The following TPM3 variants were observed in gnomAD, a reference collection of about 807,000 sequenced individuals.
The protein encoded by TPM3 is tropomyosin 3.
TPM3 carries 16 observed loss-of-function variants against 43.1 expected under a neutral mutation model. That is an observed-to-expected ratio of 0.37 (90% CI 0.25 to 0.56). TPM3 has a LOEUF of 0.56. TPM3 is among the 20% of genes least tolerant of loss of function. The probability of loss-of-function intolerance (pLI) is 0.77; values close to 1 mark genes in which losing one functional copy is unlikely to be tolerated. For synonymous variants in TPM3, 101 were observed against 116.9 expected (o/e 0.86, Z 0.88); for missense variants, 176 against 337.2 (o/e 0.52, Z 3.74).
chr1:154,156,250 G>T (rs1659799838), downstream of TPM3: 1 of 179,018 alleles, frequency 5.6e-6, no homozygotes, highest in South Asian at 2.0e-4. Context: ...TAATAATAAA[G>T]AATAAATCCT....
In TPM3 at chr1:154,172,509, T is replaced by C. The variant is rs1243639954; in HGVS notation, c.566+399A>G. 6.0e-6 allele frequency: 3 copies of C among 497,770 alleles called. No individual in the cohort carries two copies. The Admixed American group carries it at 7.1e-5, about 12-fold the overall frequency. The allele number at this position is 497,770 out of a possible 1,614,324, so 30.8% of individuals were successfully genotyped here. On this transcript the variant is annotated intron_variant, in intron 5 of 9. Coordinates refer to ENST00000651641, the MANE Select transcript of TPM3 (RefSeq NM_152263.4). ...CTGGGTTCAAGCAACCTTCCTGCCT[T>C]GGCATACTAAGTAGCTGGGACTACA...
chr1:154,191,401 T>A, intron 1 of TPM3, 90 bp from the exon 2 acceptor site: 1 of 1,593,280 alleles, frequency 6.3e-7, no homozygotes, highest in East Asian at 2.2e-5. Flanking sequence ...GAGTGTAACC[T>A]CCATGTTACC....
chr1:154,157,899 G>T (rs1056792387), downstream of TPM3, among the ~76,000 whole-genome samples: 1 of 152,158 alleles, frequency 6.6e-6, no homozygotes, highest in East Asian at 1.9e-4. Flanking sequence ...CTTGCCTACT[G>T]AAGTTGTAGG....
At chr1:154,182,560 C>A (rs1234631217) in intron 2 of TPM3, among the ~76,000 whole-genome samples, 1 of 152,166 alleles carries the variant, frequency 6.6e-6, no homozygotes, top group Admixed American at 6.5e-5. Flanking sequence ...CAGTACTGCC[C>A]CTCCCCGAAC....
chr1:154,191,222 C>T lies in TPM3; in HGVS notation c.207G>A (p.Gln69=), dbSNP rs889719298. 3 of 1,614,196 alleles carry T rather than the reference C, an allele frequency of 1.9e-6. No homozygotes were observed. The highest frequency in any genetic ancestry group is 2.5e-6 in the Non-Finnish European group (3 of 1,180,032). ...TCTTCTCTGCCAGTTCCAGCTTCTCCTGGGCATCCTTCAAAGCTTCAGAAT... is the reference window on the plus strand; with the variant it reads ...TCTTCTCTGCCAGTTCCAGCTTCTCTTGGGCATCCTTCAAAGCTTCAGAAT... ...DKYSEALKDA[Q]EKLELAEKKA... The change falls in exon 2 of 10, where the codon CAG becomes CAA. Residue 69 remains glutamine, a synonymous_variant. Coordinates refer to ENST00000651641, the MANE Select transcript of TPM3 (RefSeq NM_152263.4).
chr1:154,188,968 T>C (rs1388051088), intron 2 of TPM3, among the ~76,000 whole-genome samples: 2 of 150,214 alleles, frequency 1.3e-5, no homozygotes, highest in Non-Finnish European at 3.0e-5. Context: ...CTGTCTCTAC[T>C]AAAAATATAA....
In TPM3 at chr1:154,167,784, GGAA is replaced by G; in HGVS notation, c.*150_*152del. 1.3e-6 allele frequency: 2 copies of G among 1,556,952 alleles called. No homozygotes were observed. The highest frequency in any genetic ancestry group is 1.7e-6 in the Non-Finnish European group (2 of 1,149,830). ...TAACATTTTAATTTGGGGTGGGGGT[GGAA>G]GAAAATACATAAGTTGCTTTTTGCT... On this transcript the variant is annotated 3_prime_UTR_variant, in exon 10 of 10. Transcript: ENST00000651641.
intron 2 of TPM3, chr1:154,183,479 C>G (rs1663212967): frequency 2.2e-6 from 1 of 464,902 alleles, no homozygotes; most frequent in Non-Finnish European, 3.9e-6. Flanking sequence ...ATGGTTGGCC[C>G]CTTTGCAGGT....
At chr1:154,159,956 C>G (rs899471853), downstream of TPM3, among the ~76,000 whole-genome samples, 1 of 151,146 alleles carries the variant, frequency 6.6e-6, no homozygotes, top group African/African-American at 2.4e-5. Context: ...AAAAACAAAT[C>G]CCATATTTAT....
rs1174917161 is a variant in TPM3 at position 154,164,282 on chromosome 1, C to G, written c.*3655G>C. Among the ~76,000 whole-genome samples, 1 of 152,030 alleles carries G rather than the reference C, an allele frequency of 6.6e-6. No homozygotes were observed. Among genetic ancestry groups the G allele is most frequent in the Non-Finnish European group, 1.5e-5 (1 of 68,010 alleles). ...GCTCAAAGGATCCTCTGGCTTCGGC[C>G]CTCCAAGTAGATAGGACTGCAGGCA... On this transcript the variant is annotated 3_prime_UTR_variant, in exon 10 of 10. Coordinates refer to ENST00000651641, the MANE Select transcript of TPM3 (RefSeq NM_152263.4).
chr1:154,188,279 C>T (rs1288908496), intron 2 of TPM3, among the ~76,000 whole-genome samples: 4 of 151,640 alleles, frequency 2.6e-5, no homozygotes, highest in African/African-American at 4.9e-5. Flanking sequence ...TGGTCTTGAA[C>T]TCCTGGCCTC....
At chr1:154,179,304 G>A (rs1343889697) in intron 2 of TPM3, among the ~76,000 whole-genome samples, 1 of 152,212 alleles carries the variant, frequency 6.6e-6, no homozygotes, top group Non-Finnish European at 1.5e-5. Context: ...AGCCTAAGCA[G>A]GGGTAAAGGG....
intron 2 of TPM3, among the ~76,000 whole-genome samples, chr1:154,188,027 GT>G (rs1244883541): frequency 6.6e-6 from 1 of 151,196 alleles, no homozygotes; most frequent in Non-Finnish European, 1.5e-5. Context: ...GTTTTGTTTT[GT>G]TTTTTTGAGT....
chr1:154,176,978 CAAAA>C (rs60774056), intron 2 of TPM3, among the ~76,000 whole-genome samples: 2 of 55,862 alleles, frequency 3.6e-5, no homozygotes, highest in African/African-American at 6.5e-5. Flanking sequence ...AACTCCATTT[CAAAA>C]AAAAAAAAAA....
chr1:154,182,109 G>A (rs1489243388), intron 2 of TPM3, among the ~76,000 whole-genome samples: 1 of 152,102 alleles, frequency 6.6e-6, no homozygotes, highest in African/African-American at 2.4e-5. Flanking sequence ...CCATACACTC[G>A]CTTATCAGCT....
intron 3 of TPM3, among the ~76,000 whole-genome samples, chr1:154,175,274 T>C (rs564955679): frequency 1.1e-4 from 15 of 140,738 alleles, no homozygotes; most frequent in Non-Finnish European, 2.1e-4. Context: ...GAGCTTGCAG[T>C]GAGCCCAGAT....
chr1:154,170,116 T>A, intron 8 of TPM3: 1 of 443,532 alleles, frequency 2.3e-6, no homozygotes, highest in East Asian at 4.6e-5. Context: ...GGTTTAAGAC[T>A]AATAAATTGG....
Position 154,166,706 on chromosome 1 carries a change from T to C in TPM3, c.*1231A>G, listed in dbSNP as rs1661018994. The stretch of plus-strand genomic sequence containing the variant: ...GCGAATTCCTTTTTTTTTTTTGAGA[T>C]GGAGTCTCTCTGTTGCCCAGGCTGG... On this transcript the variant is annotated 3_prime_UTR_variant, in exon 10 of 10. Transcript: ENST00000651641. 2.1e-6 allele frequency: 2 copies of C among 949,050 alleles called. No homozygotes were observed. The highest frequency in any genetic ancestry group is 3.8e-5 in the African/African-American group (2 of 52,346). The allele number at this position is 949,050 out of a possible 1,614,324, so 58.8% of individuals were successfully genotyped here.
downstream of TPM3, chr1:154,157,613 C>G (rs376741887): frequency 3.9e-6 from 3 of 774,158 alleles, no homozygotes; most frequent in Admixed American, 3.4e-5. Context: ...GAGGGAGGAG[C>G]AGCAGCAGGG....
Sources: allele counts gnomAD v4.1 joint callset (sites outside exome capture counted in the v4.1 genomes callset), GRCh38; gene constraint gnomAD v4.1.1; transcripts MANE v1.5; gene names NCBI Gene and HGNC (gene_info 2026-07-23, HGNC 2026-07-21).